The following UGT2B7 variants were observed in gnomAD, a reference collection of about 807,000 sequenced individuals.
The protein encoded by UGT2B7 is UDP-glucuronosyltransferase 2B7.
In UGT2B7, 51 loss-of-function variants were observed where a neutral mutation model predicts 51.9. The ratio of observed to expected loss-of-function variants is 0.98; its 90% CI spans 0.78 to 1.24. UGT2B7 has a LOEUF of 1.24. UGT2B7 is among the 50% of genes most tolerant of loss of function. UGT2B7 has a pLI of 0.00. For missense variants in UGT2B7, 727 were observed against 628.4 expected (o/e 1.16, Z -1.68); for synonymous variants, 225 against 211.6 (o/e 1.06, Z -0.55).
chr4:69,075,684 T>C (rs943896666), intron 1 of UGT2B7, among the ~76,000 whole-genome samples: 1 of 152,150 alleles, frequency 6.6e-6, no homozygotes, highest in Non-Finnish European at 1.5e-5. Context: ...ACTCAGGCTA[T>C]GGGAGTTGTA....
intron 1 of UGT2B7, among the ~76,000 whole-genome samples, chr4:69,055,584 G>C (rs1380551242): frequency 1.3e-5 from 2 of 152,146 alleles, no homozygotes; most frequent in Admixed American, 6.5e-5. Context: ...GCCAGTACCC[G>C]AGATTCCAGG....
At chr4:69,111,058 G>A (rs1003755637) in intron 5 of UGT2B7, among the ~76,000 whole-genome samples, 1 of 152,146 alleles carries the variant, frequency 6.6e-6, no homozygotes, top group African/African-American at 2.4e-5. Context: ...CAAGAAGGGA[G>A]AGAAGCATTC....
chr4:69,097,493 A>C (rs1232469790), intron 1 of UGT2B7, among the ~76,000 whole-genome samples: 1 of 152,142 alleles, frequency 6.6e-6, no homozygotes, highest in African/African-American at 2.4e-5. Flanking sequence ...AGTGCATCTA[A>C]GACTTTAAGC....
intron 1 of UGT2B7, among the ~76,000 whole-genome samples, chr4:69,073,032 C>T (rs906545422): frequency 1.3e-5 from 2 of 152,078 alleles, no homozygotes; most frequent in Non-Finnish European, 2.9e-5. Context: ...CTGGGTTCTC[C>T]ACCTCCCTGG....
intron 1 of UGT2B7, among the ~76,000 whole-genome samples, chr4:69,054,795 G>T (rs1718138518): frequency 1.3e-5 from 2 of 152,086 alleles, no homozygotes; most frequent in Admixed American, 1.3e-4. Context: ...CTCATCGCAG[G>T]ACTCATTTTC....
Position 69,112,862 on chromosome 4 carries a change from T to G in UGT2B7, c.*126T>G. On this transcript the variant is annotated 3_prime_UTR_variant, in exon 6 of 6. Coordinates refer to ENST00000305231, the MANE Select transcript of UGT2B7 (RefSeq NM_001074.4). Reference sequence around the variant, plus strand: ...AAAAAAAAAAAAAGAAAAAAAAATCTTTTCAAAATTTACTTTGTCAAATAA... The same window carrying G: ...AAAAAAAAAAAAAGAAAAAAAAATCGTTTCAAAATTTACTTTGTCAAATAA... The G allele has an allele frequency of 7.5e-7, 1 of 1,336,142 alleles. No individual in the cohort carries two copies. The highest frequency in any genetic ancestry group is 9.8e-7 in the Non-Finnish European group (1 of 1,016,610). The allele number at this position is 1,336,142 out of a possible 1,614,324, so 82.8% of individuals were successfully genotyped here.
intron 5 of UGT2B7, among the ~76,000 whole-genome samples, chr4:69,111,087 A>G (rs1719758266): frequency 6.6e-6 from 1 of 152,124 alleles, no homozygotes; most frequent in South Asian, 2.1e-4. Context: ...GTAGCAAGAG[A>G]GAGTACTCCA....
At chr4:69,089,175 C>A (rs928046326) in intron 1 of UGT2B7, among the ~76,000 whole-genome samples, 69 of 152,190 alleles carry the variant, frequency 4.5e-4, no homozygotes, top group Non-Finnish European at 2.2e-4. Context: ...TATGAGTTTG[C>A]AAACCATTAT....
In UGT2B7 at chr4:69,063,325, A is replaced by AGAAAAAAG. The variant is rs1553911352; in HGVS notation, c.-159+11723_-159+11724insGAAAAAAG. Among the ~76,000 whole-genome samples the AGAAAAAAG allele has an allele frequency of 5.5e-4, 69 of 126,528 alleles. 2 individuals are homozygous for AGAAAAAAG. Among genetic ancestry groups the AGAAAAAAG allele is most frequent in the African/African-American group, 2.2e-3 (69 of 30,990 alleles). 83.0% of individuals were successfully genotyped at this position (126,528 alleles called of 152,430 possible). A position where few individuals can be genotyped will look rare whatever the true frequency, so the allele number is the denominator to read the frequency against. On this transcript the variant is annotated intron_variant, in intron 1 of 5. Transcript: ENST00000502942. ...CAGAGCGAGACTCCGTCTCAAAAAAAAAAAAAAAAAAAAAGAAACACAGTA... is the reference window on the plus strand; with the variant it reads ...CAGAGCGAGACTCCGTCTCAAAAAAAGAAAAAAGAAAAAAAAAAAAAAGAAACACAGTA...
At chr4:69,052,543 CTTAA>C (rs1299444926) in intron 1 of UGT2B7, among the ~76,000 whole-genome samples, 1 of 16,672 alleles carries the variant, frequency 6.0e-5, no homozygotes, top group East Asian at 2.4e-3. Context: ...AAAAAGTTTG[CTTAA>C]AAAAAAAGAA....
At chr4:69,093,544 C>T (rs1385840905), upstream of UGT2B7, among the ~76,000 whole-genome samples, 1 of 152,202 alleles carries the variant, frequency 6.6e-6, no homozygotes, top group Non-Finnish European at 1.5e-5. Flanking sequence ...AGAGCTACAG[C>T]TACTTTTGCC....
chr4:69,052,582 A>AGGGG (rs1450546217), intron 1 of UGT2B7, among the ~76,000 whole-genome samples: 1 of 151,490 alleles, frequency 6.6e-6, no homozygotes, highest in African/African-American at 2.4e-5. Flanking sequence ...AAAAAAAAAA[A>AGGGG]AAAAAAAAAA....
chr4:69,053,893 G>A (rs554964312), intron 1 of UGT2B7, among the ~76,000 whole-genome samples: 25 of 152,136 alleles, frequency 1.6e-4, no homozygotes, highest in African/African-American at 4.3e-4. Flanking sequence ...TTTCATCCTG[G>A]CATTTCATCA....
chr4:69,064,640 T>C (rs1265978056), intron 1 of UGT2B7, among the ~76,000 whole-genome samples: 1 of 152,194 alleles, frequency 6.6e-6, no homozygotes, highest in Non-Finnish European at 1.5e-5. Context: ...CTACATCAAG[T>C]TAGCCCACCC....
At chr4:69,088,727 T>G (rs566630518) in intron 1 of UGT2B7, among the ~76,000 whole-genome samples, 1 of 152,270 alleles carries the variant, frequency 6.6e-6, no homozygotes, top group African/African-American at 2.4e-5. Flanking sequence ...TGCCTGTCAC[T>G]GTGATTAGTA....
chr4:69,084,555 C>A (rs571590110), intron 1 of UGT2B7, among the ~76,000 whole-genome samples: 23 of 152,022 alleles, frequency 1.5e-4, no homozygotes, highest in Non-Finnish European at 2.7e-4. Flanking sequence ...ACCCATCAAC[C>A]AGTCTCCTAG....
At chr4:69,099,767 A>C (rs1275032859) in intron 2 of UGT2B7, among the ~76,000 whole-genome samples, 7 of 151,994 alleles carry the variant, frequency 4.6e-5, no homozygotes, top group Admixed American at 4.6e-4. Flanking sequence ...TAATACTACT[A>C]ATTACTTAAC....
chr4:69,064,074 AAGAAAGAAAGAAAGAAAGAAAG>A (rs1478363052), intron 1 of UGT2B7, among the ~76,000 whole-genome samples: 2 of 107,460 alleles, frequency 1.9e-5, no homozygotes, highest in African/African-American at 5.3e-5. Context: ...GAAAGAAAGA[AAGAAAGAAAGAAAGAAAGAAAG>A]AGAAAGAAAG....
At chr4:69,096,463 C>A, upstream of UGT2B7, 2 of 1,606,594 alleles carry the variant, frequency 1.2e-6, no homozygotes, top group Non-Finnish European at 1.7e-6. Flanking sequence ...TTGGACATAA[C>A]CATGAGAAAT....
Sources: gnomAD v4.1 joint callset for allele counts (sites outside exome capture counted in the v4.1 genomes callset) on GRCh38, gnomAD v4.1.1 for gene constraint, MANE v1.5 for transcripts, NCBI Gene and HGNC (gene_info 2026-07-23, HGNC 2026-07-21) for gene names.